LOC400499: variants seen among roughly 807,000 people sequenced by gnomAD.
chr16:11,394,334 C>T, the LOC400499 span, among the ~76,000 whole-genome samples: 149 of 152,272 alleles, frequency 9.8e-4, 2 homozygotes, highest in Middle Eastern at 3.4e-3. Context: ...AACACAAGCC[C>T]GGAGGAGGCC....
chr16:11,391,653 C>G, the LOC400499 span: 89 of 1,232,108 alleles, frequency 7.2e-5, no homozygotes, highest in African/African-American at 1.2e-3. Flanking sequence ...AGCCCTCCCC[C>G]TCCCACACTT....
chr16:11,414,096 A>G, the LOC400499 span, among the ~76,000 whole-genome samples: 1 of 152,232 alleles, frequency 6.6e-6, no homozygotes, highest in Non-Finnish European at 1.5e-5. Context: ...AGAAGGACGC[A>G]GGGCAGGAGC....
At chr16:11,514,665 C>A in the LOC400499 span, 3 of 397,894 alleles carry the variant, frequency 7.5e-6, no homozygotes, top group East Asian at 1.1e-4. Flanking sequence ...CCCCACTCAG[C>A]GAGGCTGGGG....
chr16:11,390,017 C>A, the LOC400499 span: 1 of 848,060 alleles, frequency 1.2e-6, no homozygotes, highest in South Asian at 6.0e-5. Flanking sequence ...TCACAGGAGT[C>A]AGTGTGTCGG....
At chr16:11,500,982 A>C in the LOC400499 span, 11 of 398,946 alleles carry the variant, frequency 2.8e-5, no homozygotes, top group Admixed American at 8.8e-5. Context: ...GAGATCATCA[A>C]GGCGACCCAC....
the LOC400499 span, among the ~76,000 whole-genome samples, chr16:11,388,462 G>A: frequency 0.012 from 1,854 of 152,258 alleles, 20 homozygotes; most frequent in Middle Eastern, 0.092. Flanking sequence ...GGCAGAGCCG[G>A]ATTCCAGATG....
At chr16:11,380,576 ATATGCCTTTAT>A in the LOC400499 span, among the ~76,000 whole-genome samples, 1 of 152,196 alleles carries the variant, frequency 6.6e-6, no homozygotes, top group South Asian at 2.1e-4. Flanking sequence ...AGAATTCATA[ATATGCCTTTAT>A]TTTGTAACTT....
At chr16:11,435,819 T>C in the LOC400499 span, 1 of 399,118 alleles carries the variant, frequency 2.5e-6, no homozygotes, top group Non-Finnish European at 4.4e-6. Flanking sequence ...CGGCCAGACA[T>C]TTGCACAGAT....
chr16:11,385,117 A>C, the LOC400499 span: 596,447 of 1,230,572 alleles, frequency 0.48, 147,717 homozygotes, highest in Non-Finnish European at 0.51. Context: ...CCAGGTGACA[A>C]GCTTGAAAGT....
At chr16:11,390,288 G>A in the LOC400499 span, 2 of 1,232,762 alleles carry the variant, frequency 1.6e-6, no homozygotes, top group Non-Finnish European at 2.0e-6. Context: ...CCAGCTCCAG[G>A]GCTCCTTTCA....
the LOC400499 span, chr16:11,514,294 G>T: frequency 2.5e-5 from 10 of 398,850 alleles, no homozygotes; most frequent in African/African-American, 8.2e-5. Context: ...GCCTGCTTGG[G>T]CCCCTCTGGC....
the LOC400499 span, among the ~76,000 whole-genome samples, chr16:11,395,419 G>T: frequency 6.6e-6 from 1 of 152,220 alleles, no homozygotes; most frequent in Non-Finnish European, 1.5e-5. Flanking sequence ...CACTCCCAGG[G>T]CTCCAGTTCC....
At chr16:11,397,785 G>T in the LOC400499 span, among the ~76,000 whole-genome samples, 3,957 of 123,136 alleles carry the variant, frequency 0.032, 251 homozygotes, top group African/African-American at 0.088. Flanking sequence ...GAGGGAGGGA[G>T]GGAGGGAGGG....
chr16:11,400,581 C>T, the LOC400499 span, among the ~76,000 whole-genome samples: 2 of 152,114 alleles, frequency 1.3e-5, no homozygotes, highest in Non-Finnish European at 2.9e-5. Context: ...GTTGGGATTG[C>T]AGGCACACAC....
chr16:11,473,204 A>T, the LOC400499 span: 3 of 151,840 alleles, frequency 2.0e-5, no homozygotes, highest in Admixed American at 6.6e-5. Context: ...AAAGATTTCT[A>T]AAATTTTTTT....
At chr16:11,462,090 G>A in the LOC400499 span, 1 of 1,454,412 alleles carries the variant, frequency 6.9e-7, no homozygotes, top group Non-Finnish European at 9.1e-7. Context: ...ACAGAGCAGA[G>A]GGGACAGAAG....
chr16:11,379,082 G>A, the LOC400499 span, among the ~76,000 whole-genome samples: 2 of 152,140 alleles, frequency 1.3e-5, no homozygotes, highest in African/African-American at 4.8e-5. Flanking sequence ...TGGACAACAT[G>A]GTGAAACCCT....
chr16:11,378,196 C>T, the LOC400499 span, among the ~76,000 whole-genome samples: 1 of 150,274 alleles, frequency 6.7e-6, no homozygotes, highest in African/African-American at 2.5e-5. Flanking sequence ...CTCGGCCTTC[C>T]AAGTAGCTAG....
the LOC400499 span, among the ~76,000 whole-genome samples, chr16:11,489,299 T>A: frequency 6.6e-6 from 1 of 152,208 alleles, no homozygotes; most frequent in Non-Finnish European, 1.5e-5. Context: ...AGATGGTCAC[T>A]CCAGCTCTTG....
Sources: allele counts gnomAD v4.1 joint callset (sites outside exome capture counted in the v4.1 genomes callset), GRCh38; gene constraint gnomAD v4.1.1; transcripts MANE v1.5.